Variants in TRPM5 observed in about 807,000 individuals in gnomAD.
The protein encoded by TRPM5 is transient receptor potential cation channel subfamily M member 5.
TRPM5 carries 121 observed loss-of-function variants against 124.9 expected under a neutral mutation model. The observed-to-expected ratio is 0.97, with a 90% confidence interval of 0.84 to 1.13. The LOEUF (loss-of-function observed/expected upper bound fraction) is 1.13, where lower values mean the gene tolerates loss of function less well. TRPM5 is among the 50% of genes most tolerant of loss of function. The probability of loss-of-function intolerance (pLI) is 0.00; values close to 1 mark genes in which losing one functional copy is unlikely to be tolerated. For missense variants in TRPM5, 1,643 were observed against 1,589.1 expected (o/e 1.03, Z -0.58); for synonymous variants, 781 against 700.5 (o/e 1.11, Z -1.81).
chr11:2,423,891 G>A (rs1845809055), upstream of TRPM5, among the ~76,000 whole-genome samples: 3 of 152,226 alleles, frequency 2.0e-5, no homozygotes, highest in South Asian at 6.2e-4. Flanking sequence ...CCCCAGCCTG[G>A]CTGACCTCGG....
intron 19 of TRPM5, 56 bp from the exon 25 acceptor site, chr11:2,407,356 C>CCCCT: frequency 6.6e-7 from 1 of 1,504,570 alleles, no homozygotes; most frequent in Non-Finnish European, 9.0e-7. Context: ...ACTTGGGGGA[C>CCCCT]GCATCCCCCT....
intron 7 of TRPM5, among the ~76,000 whole-genome samples, 188 bp from the exon 13 acceptor site, chr11:2,416,212 G>A (rs1020677375): frequency 1.1e-4 from 16 of 152,254 alleles, no homozygotes; most frequent in Non-Finnish European, 1.9e-4. Flanking sequence ...AACCGCAGGA[G>A]AAAGCGTGCT....
chr11:2,431,101 T>A, the TRPM5 span, among the ~76,000 whole-genome samples: 1 of 152,092 alleles, frequency 6.6e-6, no homozygotes, highest in South Asian at 2.1e-4. Flanking sequence ...TCTGTAAATG[T>A]CCCTTTGTCC....
intron 18 of TRPM5, chr11:2,410,625 C>T: frequency 6.7e-6 from 3 of 448,572 alleles, no homozygotes; most frequent in South Asian, 4.7e-5. Flanking sequence ...CAACCCATCA[C>T]TACAGAGGCC....
rs147694578 is a variant in TRPM5, at chr11:2,405,070, C to A, written c.3392-27G>T. ...TGCTGGGAAGGAAGGCCCCCCTGAG[C>A]GGTGGGAACCAGCAAGGCAGGCCCA... is the stretch of plus-strand genomic sequence containing the variant. On this transcript the variant is annotated intron_variant, in intron 23 of 23. Transcript: ENST00000155858. The A allele has an allele frequency of 3.0e-4, 477 of 1,593,278 alleles. 2 individuals carry two copies. In the South Asian group the frequency reaches 4.7e-3, roughly 16 times the overall value.
chr11:2,411,605 G>A, intron 17 of TRPM5, 30 bp downstream of exon 22: 1 of 1,605,914 alleles, frequency 6.2e-7, no homozygotes, highest in Non-Finnish European at 8.5e-7. Flanking sequence ...TGTCCCTCCA[G>A]GGCCAGGGCC....
Position 2,417,741 on chromosome 11 carries a change from T to C in TRPM5, c.995A>G (p.Lys332Arg), listed in dbSNP as rs540625644. Residue 332 changes from lysine to arginine, a missense_variant, in exon 7 of 24, where the codon AAG (lysine) becomes AGG (arginine). By Grantham distance (26) the Lys-to-Arg change is conservative. Transcript: ENST00000155858. Reference sequence around the variant, plus strand: ...CCCGCCCTCACCTTTCACCAGCGCCTTCAGGATGACCGTGTCCAGCTCCTC... The same window carrying C: ...CCCGCCCTCACCTTTCACCAGCGCCCTCAGGATGACCGTGTCCAGCTCCTC... 1.1e-4 allele frequency: 110 copies of C among 972,302 alleles called. 1 individual carries two copies. In the South Asian group the frequency reaches 1.4e-3, roughly 12 times the overall value. The allele number at this position is 972,302 out of a possible 1,614,324, so 60.2% of individuals were successfully genotyped here.
At chr11:2,442,668 G>T in the TRPM5 span, among the ~76,000 whole-genome samples, 2 of 152,056 alleles carry the variant, frequency 1.3e-5, no homozygotes, top group African/African-American at 4.8e-5. This position sits in a 1 kb window ranked among gnomAD's most constrained non-coding sequence, Gnocchi z 5.9. Context: ...TAGTAATATC[G>T]CTAGGTCTCT....
chr11:2,427,245 C>T (rs928478300), upstream of TRPM5, among the ~76,000 whole-genome samples: 3 of 152,256 alleles, frequency 2.0e-5, no homozygotes, highest in South Asian at 6.2e-4. Context: ...CCCACCTGCC[C>T]TTCCCACCTG....
At chr11:2,420,457 G>GT (rs35998237) in intron 3 of TRPM5, 52 bp from the exon 9 acceptor site, 82 of 1,403,838 alleles carry the variant, frequency 5.8e-5, no homozygotes, top group Admixed American at 9.9e-5. Context: ...AGCTTGGGCT[G>GT]GTCCCGCTGC....
exon 5 of TRPM5, chr11:2,418,590 G>A (rs540129431): frequency 1.1e-5 from 17 of 1,610,952 alleles, no homozygotes; most frequent in Non-Finnish European, 1.4e-5. Flanking sequence ...TGCTGCCAGT[G>A]CCTGTGGACA....
intron 15 of TRPM5, 140 bp from the exon 21 acceptor site, chr11:2,412,393 C>A: frequency 1.5e-6 from 1 of 651,336 alleles, no homozygotes; most frequent in East Asian, 2.7e-5. Context: ...ACTAGGGGTC[C>A]ACTGAAGCTA....
upstream of TRPM5, among the ~76,000 whole-genome samples, chr11:2,423,504 A>T (rs987226844): frequency 3.3e-5 from 5 of 152,136 alleles, no homozygotes; most frequent in Admixed American, 3.3e-4. Flanking sequence ...CCCTGGGTGC[A>T]CCTGGGTAGA....
chr11:2,405,666 C>T (rs1049038264), intron 22 of TRPM5, 73 bp from the exon 28 acceptor site: 13 of 1,475,038 alleles, frequency 8.8e-6, no homozygotes, highest in African/African-American at 5.6e-5. Context: ...GCCTCCCCAT[C>T]TCCCCTCTCC....
exon 24 of TRPM5, chr11:2,404,609 T>TC (rs1264215685): frequency 3.2e-6 from 1 of 316,638 alleles, no homozygotes; most frequent in Non-Finnish European, 5.9e-6. Flanking sequence ...ATGGGGGTGC[T>TC]CCCCCGTCAC....
At chr11:2,438,799 G>A in the TRPM5 span, among the ~76,000 whole-genome samples, 1 of 152,014 alleles carries the variant, frequency 6.6e-6, no homozygotes, top group Non-Finnish European at 1.5e-5. The surrounding 1 kb of genome is among the most constrained non-coding windows in gnomAD (Gnocchi z 5.9). Context: ...AACTACCAAC[G>A]TCATTTTTCA....
At chr11:2,404,990 C>A in exon 24 of TRPM5, 2 of 1,612,794 alleles carry the variant, frequency 1.2e-6, no homozygotes, top group Non-Finnish European at 1.7e-6. Context: ...CCATCTAAAC[C>A]ACCTCTGTGG....
rs530396961 is a variant in TRPM5, at chr11:2,421,134, G to A, written c.363C>T (p.Arg121=). The change falls in exon 3 of 24, where the codon CGC becomes CGT. Residue 121 remains arginine, a synonymous_variant. Coordinates refer to ENST00000155858, the Ensembl canonical transcript of TRPM5. ...TGGACGTGCTGGCCAGCGAGTGGTC[G>A]CGCACGGCCTGCCCGACATGCCTGG... 450 of 1,542,708 alleles carry A rather than the reference G, an allele frequency of 2.9e-4. 2 individuals are homozygous for A. In the South Asian group the frequency reaches 4.5e-3, roughly 15 times the overall value.
chr11:2,417,857 G>A (rs775796232), intron 6 of TRPM5, 28 bp from the exon 12 acceptor site: 2 of 1,550,962 alleles, frequency 1.3e-6, no homozygotes, highest in South Asian at 1.2e-5. Flanking sequence ...GCCCCCATGG[G>A]GCCGCCTCAG....
Sources: gnomAD v4.1 joint callset for allele counts (sites outside exome capture counted in the v4.1 genomes callset) on GRCh38, gnomAD v4.1.1 for gene constraint, Gnocchi (gnomAD v3.1) non-coding constraint, MANE v1.5 for transcripts, NCBI Gene and HGNC (gene_info 2026-07-23, HGNC 2026-07-21) for gene names.